Variants in RB1 observed in about 807,000 individuals in gnomAD.
RB1 encodes the protein RB transcriptional corepressor 1.
In RB1, 18 loss-of-function variants were observed where a neutral mutation model predicts 135.4. The ratio of observed to expected loss-of-function variants is 0.13; its 90% CI spans 0.09 to 0.20. RB1 has a LOEUF of 0.20. Among genes scored for constraint, RB1 ranks in the 10% least tolerant of loss-of-function variants. The pLI, the probability that RB1 is intolerant of heterozygous loss-of-function variation, is 1.00. For synonymous variants in RB1, 365 were observed against 373.2 expected (o/e 0.98, Z 0.25); for missense variants, 868 against 1,110.0 (o/e 0.78, Z 3.10).
At position 48,422,365 on chromosome 13, in the gene RB1, C is replaced by T. The variant is rs537568912; in HGVS notation, c.1696-30628C>T. Among the ~76,000 whole-genome samples, 31 of 152,024 alleles carry T rather than the reference C, an allele frequency of 2.0e-4. 2 individuals are homozygous for T. The highest frequency in any genetic ancestry group is 7.5e-4 in the African/African-American group (31 of 41,484). On this transcript the variant is annotated intron_variant, in intron 17 of 26. Transcript: ENST00000267163. ...GGGAACATCACACATCGGGGCCTGT[C>T]GGGGTTGGGGGTTAGAGGAGGGATA...
At chr13:48,342,081 G>T (rs911980228) in intron 2 of RB1, among the ~76,000 whole-genome samples, 1 of 151,822 alleles carries the variant, frequency 6.6e-6, no homozygotes, top group African/African-American at 2.4e-5. Context: ...GTTACAAAAT[G>T]GGGTACATAT....
chr13:48,464,570 G>C (rs1028701142), intron 21 of RB1, among the ~76,000 whole-genome samples: 1 of 152,044 alleles, frequency 6.6e-6, no homozygotes, highest in East Asian at 1.9e-4. Context: ...TTATAGATTG[G>C]GGGGGATACC....
chr13:48,323,891 G>C (rs1187157307), intron 2 of RB1, among the ~76,000 whole-genome samples: 1 of 151,928 alleles, frequency 6.6e-6, no homozygotes, highest in Non-Finnish European at 1.5e-5. Context: ...TTTCATGATA[G>C]CATGCATTTT....
chr13:48,419,142 A>G lies in RB1; in HGVS notation c.1696-33851A>G, dbSNP rs182171064. Among the ~76,000 whole-genome samples, 239 of 152,330 alleles carry G rather than the reference A, an allele frequency of 1.6e-3. 2 individuals are homozygous for G. Among genetic ancestry groups the G allele is most frequent in the Non-Finnish European group, 2.6e-4 (18 of 68,030 alleles). ...AAACTAACCACATGATTGGGAGTAA[A>G]ACACTCCTCAACAAATGCAAAACAA... On this transcript the variant is annotated intron_variant, in intron 17 of 26. Coordinates refer to ENST00000267163, the MANE Select transcript of RB1 (RefSeq NM_000321.3).
intron 17 of RB1, among the ~76,000 whole-genome samples, chr13:48,396,639 T>C (rs1948650654): frequency 6.6e-6 from 1 of 152,068 alleles, no homozygotes; most frequent in African/African-American, 2.4e-5. Flanking sequence ...AAGCCAAAAT[T>C]GACGAATGGG....
In RB1 at chr13:48,480,407, A is replaced by C. The variant is rs1343438961; in HGVS notation, c.*336A>C. 3 of 334,236 alleles carry C rather than the reference A, an allele frequency of 9.0e-6. No individual in the cohort carries two copies. Among genetic ancestry groups the C allele is most frequent in the Non-Finnish European group, 1.7e-5 (3 of 179,406 alleles). 20.7% of individuals were successfully genotyped at this position (334,236 alleles called of 1,614,324 possible). On this transcript the variant is annotated 3_prime_UTR_variant, in exon 27 of 27. Coordinates refer to ENST00000267163, the MANE Select transcript of RB1 (RefSeq NM_000321.3). ...AGTCCTGATAACCCAGGCCTGTCTG[A>C]CTACTTTGCCTTCTTTTGTAGCATA...
chr13:48,455,200 A>G (rs576124648), intron 18 of RB1, among the ~76,000 whole-genome samples: 1 of 152,254 alleles, frequency 6.6e-6, no homozygotes, highest in East Asian at 1.9e-4. Flanking sequence ...ATTAAAAATA[A>G]CCCTAGGTTT....
intron 17 of RB1, among the ~76,000 whole-genome samples, chr13:48,397,435 C>T (rs1948657184): frequency 6.6e-6 from 1 of 152,050 alleles, no homozygotes; most frequent in African/African-American, 2.4e-5. Context: ...TAAGTTAAAA[C>T]TGAACAGTGA....
rs948024662 is a variant in RB1, at chr13:48,412,561, C to T, written c.1695+31118C>T. On this transcript the variant is annotated intron_variant, in intron 17 of 26. Transcript: ENST00000267163. Reference sequence around the variant, plus strand: ...CTTTGGATGGTTTTATAAATATTTCCTTTTTCTCAGAAATACCCAAAAGAA... The same window carrying T: ...CTTTGGATGGTTTTATAAATATTTCTTTTTTCTCAGAAATACCCAAAAGAA... The T allele has an allele frequency of 5.8e-6, 4 of 686,280 alleles. No individual in the cohort carries two copies. The East Asian group carries it at 1.1e-4, about 19-fold the overall frequency. The allele number at this position is 686,280 out of a possible 1,614,324, so 42.5% of individuals were successfully genotyped here. A position where few individuals can be genotyped will look rare whatever the true frequency, so the allele number is the denominator to read the frequency against.
intron 17 of RB1, chr13:48,389,716 G>C (rs1948597401): frequency 1.3e-5 from 2 of 152,252 alleles, no homozygotes. Flanking sequence ...TTCACTCACA[G>C]GTCTGGCATC....
At chr13:48,413,245 A>G (rs1948848962) in intron 17 of RB1, 1 of 167,176 alleles carries the variant, frequency 6.0e-6, no homozygotes, top group South Asian at 2.1e-4. Context: ...TGCTGGGAAT[A>G]TACCTAGGAG....
chr13:48,431,665 T>C (rs149356309), intron 17 of RB1, among the ~76,000 whole-genome samples: 1 of 152,286 alleles, frequency 6.6e-6, no homozygotes, highest in East Asian at 1.9e-4. Context: ...CGAGCACTAC[T>C]CCAGAAAGGT....
At chr13:48,320,289 G>A (rs4151437) in intron 2 of RB1, 47,590 of 1,221,566 alleles carry the variant, frequency 0.039, 1,205 homozygotes, top group Non-Finnish European at 0.047. Flanking sequence ...CATCGGTGGT[G>A]CCCCGAGCAA....
chr13:48,319,484 G>A lies in RB1; in HGVS notation c.264+12078G>A. On this transcript the variant is annotated intron_variant, in intron 2 of 26. Coordinates refer to ENST00000267163, the MANE Select transcript of RB1 (RefSeq NM_000321.3). The surrounding 1 kb of genome is among the most constrained non-coding windows in gnomAD (Gnocchi z 5.0). ...GGGCGCCAGCGCTCCTCTTGACCCC[G>A]CTTTTATTCTGTGGTGCTTCTGAAG... 3.3e-6 allele frequency: 1 copy of A among 300,298 alleles called. No homozygotes were observed. 18.6% of individuals were successfully genotyped at this position (300,298 alleles called of 1,614,324 possible). A position where few individuals can be genotyped will look rare whatever the true frequency, so the allele number is the denominator to read the frequency against.
At chr13:48,369,270 C>G (rs1400788985) in intron 11 of RB1, among the ~76,000 whole-genome samples, 1 of 152,164 alleles carries the variant, frequency 6.6e-6, no homozygotes, top group Non-Finnish European at 1.5e-5. Flanking sequence ...GTTGAATAAT[C>G]TACCTCCAAA....
intron 17 of RB1, among the ~76,000 whole-genome samples, chr13:48,438,894 CACA>C (rs1436373662): frequency 5.9e-5 from 9 of 152,076 alleles, no homozygotes; most frequent in African/African-American, 2.2e-4. Context: ...ATTTTATTTT[CACA>C]ACAACTCTAT....
chr13:48,347,687 A>G, intron 4 of RB1, 138 bp from the exon 5 acceptor site: 1 of 602,624 alleles, frequency 1.7e-6, no homozygotes, highest in East Asian at 2.9e-5. Context: ...ATCTACTTGA[A>G]CTTTGTTTTA....
At chr13:48,381,706 T>A (rs1331710261) in intron 17 of RB1, among the ~76,000 whole-genome samples, 2 of 152,180 alleles carry the variant, frequency 1.3e-5, no homozygotes, top group African/African-American at 4.8e-5. Context: ...AACGGATTTT[T>A]TTTTTATACT....
At chr13:48,307,489 T>G (rs980553570) in intron 2 of RB1, 83 bp downstream of exon 2, 2 of 1,337,164 alleles carry the variant, frequency 1.5e-6, no homozygotes, top group Non-Finnish European at 2.1e-6. Flanking sequence ...AATTGAAAGA[T>G]AGAAAAATAT....
Sources: allele counts gnomAD v4.1 joint callset (sites outside exome capture counted in the v4.1 genomes callset), GRCh38; gene constraint gnomAD v4.1.1; non-coding constraint Gnocchi (gnomAD v3.1); transcripts MANE v1.5; gene names NCBI Gene and HGNC (gene_info 2026-07-23, HGNC 2026-07-21).